CSMD1: variants seen among roughly 807,000 people sequenced by gnomAD.
CSMD1 encodes CUB and sushi domain-containing protein 1.
A neutral mutation model predicts 417.5 loss-of-function variants in CSMD1; 213 were observed. The observed-to-expected ratio is 0.51, with a 90% CI of 0.46 to 0.57. The LOEUF (loss-of-function observed/expected upper bound fraction) is 0.57. CSMD1 is among the 20% of genes least tolerant of loss of function. The pLI, the probability that CSMD1 is intolerant of heterozygous loss-of-function variation, is 0.00. For synonymous variants in CSMD1, 2,862 were observed against 1,736.8 expected (o/e 1.65, Z -16.11); for missense variants, 6,923 against 4,529.7 (o/e 1.53, Z -15.17).
intron 5 of CSMD1, among the ~76,000 whole-genome samples, chr8:3,984,704 CATATATATAT>C (rs59669026): frequency 0.012 from 999 of 82,796 alleles, 21 homozygotes; most frequent in African/African-American, 0.02. Flanking sequence ...GTGTATATAT[CATATATATAT>C]ATATATATAT....
At chr8:4,447,557 A>T (rs1585091407) in intron 2 of CSMD1, among the ~76,000 whole-genome samples, 1 of 152,320 alleles carries the variant, frequency 6.6e-6, no homozygotes. Context: ...ACAGAGTAAC[A>T]CTACAAATAC....
At chr8:3,312,191 CT>C (rs1805403003) in intron 23 of CSMD1, among the ~76,000 whole-genome samples, 1 of 152,114 alleles carries the variant, frequency 6.6e-6, no homozygotes. Context: ...TGTTTTATTG[CT>C]TTTTCTATCA....
intron 1 of CSMD1, among the ~76,000 whole-genome samples, chr8:4,989,627 G>A (rs947153870): frequency 1.3e-5 from 2 of 152,210 alleles, no homozygotes; most frequent in Non-Finnish European, 2.9e-5. Context: ...AAAGGCCAAA[G>A]GGAAAAGGTA....
intron 6 of CSMD1, among the ~76,000 whole-genome samples, chr8:3,745,890 A>G (rs937907242): frequency 6.6e-6 from 1 of 152,190 alleles, no homozygotes; most frequent in East Asian, 1.9e-4. Context: ...CCTGGGGAGC[A>G]GTCACTACAG....
At chr8:4,025,177 C>A (rs1332979589) in intron 4 of CSMD1, among the ~76,000 whole-genome samples, 1 of 152,156 alleles carries the variant, frequency 6.6e-6, no homozygotes, top group Non-Finnish European at 1.5e-5. Flanking sequence ...AAGAAATGCA[C>A]CCCCTCCTGG....
At chr8:3,891,137 C>T (rs1806943732) in intron 5 of CSMD1, among the ~76,000 whole-genome samples, 1 of 152,206 alleles carries the variant, frequency 6.6e-6, no homozygotes, top group African/African-American at 2.4e-5. Context: ...CAACCTCCAC[C>T]TCTTGGGCTT....
intron 51 of CSMD1, among the ~76,000 whole-genome samples, chr8:3,028,504 A>G (rs147740569): frequency 6.6e-6 from 1 of 152,208 alleles, no homozygotes; most frequent in Non-Finnish European, 1.5e-5. Flanking sequence ...GACCATGTTC[A>G]TTACGATTAT....
intron 3 of CSMD1, among the ~76,000 whole-genome samples, chr8:4,077,844 C>G (rs1042912025): frequency 6.6e-6 from 1 of 152,106 alleles, no homozygotes; most frequent in African/African-American, 2.4e-5. Flanking sequence ...CCAAATTGAG[C>G]CTAAATATGC....
intron 3 of CSMD1, among the ~76,000 whole-genome samples, chr8:4,335,261 T>C (rs765886689): frequency 2.0e-5 from 3 of 152,032 alleles, no homozygotes; most frequent in Non-Finnish European, 4.4e-5. Context: ...CCTTATGACC[T>C]AACCACCTCC....
At chr8:3,122,445 T>A (rs775674241) in intron 41 of CSMD1, among the ~76,000 whole-genome samples, 9 of 152,146 alleles carry the variant, frequency 5.9e-5, no homozygotes, top group Non-Finnish European at 1.2e-4. Flanking sequence ...AAATAAAAAA[T>A]ATTTTTAACT....
intron 3 of CSMD1, among the ~76,000 whole-genome samples, chr8:4,346,834 G>A (rs1224349147): frequency 6.6e-6 from 1 of 152,220 alleles, no homozygotes; most frequent in Admixed American, 6.5e-5. Context: ...AGGGGATTGA[G>A]ACTGAGGGCC....
At chr8:3,225,475 C>T (rs1175824985) in intron 27 of CSMD1, among the ~76,000 whole-genome samples, 2 of 151,844 alleles carry the variant, frequency 1.3e-5, no homozygotes, top group African/African-American at 4.8e-5. Flanking sequence ...CAGAATCACG[C>T]CGGGGCTGCT....
At chr8:4,480,989 T>G (rs1801070512) in intron 2 of CSMD1, among the ~76,000 whole-genome samples, 1 of 152,206 alleles carries the variant, frequency 6.6e-6, no homozygotes, top group South Asian at 2.1e-4. Flanking sequence ...TGCAGTGATT[T>G]TTGAAACCTT....
At chr8:4,683,708 G>A (rs775339570) in intron 1 of CSMD1, among the ~76,000 whole-genome samples, 1 of 152,158 alleles carries the variant, frequency 6.6e-6, no homozygotes, top group Non-Finnish European at 1.5e-5. Context: ...TCCCACCAGG[G>A]GTCCTGATTT....
At chr8:3,719,904 C>G (rs75108187) in intron 6 of CSMD1, among the ~76,000 whole-genome samples, 419 of 152,194 alleles carry the variant, frequency 2.8e-3, no homozygotes, top group African/African-American at 9.6e-3. Context: ...TGTCACCTTG[C>G]CAGGTTAAAA....
At position 4,400,761 on chromosome 8, in the gene CSMD1, GTT is replaced by G. The variant is rs11439463; in HGVS notation, c.415+19190_415+19191del. Among the ~76,000 whole-genome samples, 865 of 139,524 alleles carry G rather than the reference GTT, an allele frequency of 6.2e-3. 6 individuals are homozygous for G. Among genetic ancestry groups the G allele is most frequent in the South Asian group, 0.022 (98 of 4,414 alleles). The allele number at this position is 139,524 out of a possible 152,430, so 91.5% of individuals were successfully genotyped here. A position where few individuals can be genotyped will look rare whatever the true frequency, so the allele number is the denominator to read the frequency against. ...TCTCTAATAGAGTGCATACAGATCAGTTTTTTTTTTTTTTTCCTTTTTAAAAA... is the reference window on the plus strand; with the variant it reads ...TCTCTAATAGAGTGCATACAGATCAGTTTTTTTTTTTTTCCTTTTTAAAAA... On this transcript the variant is annotated intron_variant, in intron 3 of 69. Transcript: ENST00000635120.
chr8:3,481,850 T>C (rs966560922), intron 11 of CSMD1, among the ~76,000 whole-genome samples: 2 of 152,184 alleles, frequency 1.3e-5, no homozygotes, highest in Admixed American at 6.5e-5. Context: ...ATGTTGATGC[T>C]GGCCTAGAAA....
At chr8:4,823,040 T>G (rs1423524719) in intron 1 of CSMD1, among the ~76,000 whole-genome samples, 1 of 152,104 alleles carries the variant, frequency 6.6e-6, no homozygotes, top group African/African-American at 2.4e-5. Context: ...TCACTGTGTC[T>G]GTGAAATGCA....
At chr8:4,665,419 C>T (rs572049324) in intron 1 of CSMD1, among the ~76,000 whole-genome samples, 1 of 152,258 alleles carries the variant, frequency 6.6e-6, no homozygotes, top group African/African-American at 2.4e-5. Context: ...CACACATAAC[C>T]ATGAGTAACC....
Sources: gnomAD v4.1 joint callset for allele counts (sites outside exome capture counted in the v4.1 genomes callset) on GRCh38, gnomAD v4.1.1 for gene constraint, MANE v1.5 for transcripts, NCBI Gene and HGNC (gene_info 2026-07-23, HGNC 2026-07-21) for gene names.